The following TBC1D21 variants were observed in gnomAD, a reference collection of about 807,000 sequenced individuals.
The protein encoded by TBC1D21 is TBC1 domain family member 21, also known as male germ cell Rab GTPase-activating protein.
TBC1D21 carries 38 observed loss-of-function variants against 46.0 expected under a neutral mutation model. The observed-to-expected ratio is 0.83, with a 90% CI of 0.64 to 1.08. The LOEUF is 1.08. Ranked by LOEUF, TBC1D21 falls within the 50% of genes least tolerant of loss-of-function variation. The pLI is 0.00. For missense variants in TBC1D21, 415 were observed against 417.9 expected (o/e 0.99, Z 0.06); for synonymous variants, 151 against 157.2 (o/e 0.96, Z 0.29).
chr15:73,888,520 T>A lies in TBC1D21; in HGVS notation c.978+7T>A. 6.2e-7 allele frequency: 1 copy of A among 1,612,990 alleles called. No homozygotes were observed. The highest frequency in any genetic ancestry group is 8.5e-7 in the Non-Finnish European group (1 of 1,179,280). ...TGAGCTCATCCAGAAGGATGTAAGT[T>A]GCCCCAATGATGTGTCCTCCTCCTC... On this transcript the variant is annotated splice_region_variant and intron_variant, in intron 10 of 10. Coordinates refer to ENST00000300504, the MANE Select transcript of TBC1D21 (RefSeq NM_153356.3).
At chr15:73,891,045 A>T (rs2068332710), downstream of TBC1D21, among the ~76,000 whole-genome samples, 1 of 152,226 alleles carries the variant, frequency 6.6e-6, no homozygotes, top group Non-Finnish European at 1.5e-5. Flanking sequence ...GAGTGATGAA[A>T]GTAACAATCT....
Position 73,886,496 on chromosome 15 carries a change from C to T in TBC1D21, c.677-16C>T, listed in dbSNP as rs979376060. On this transcript the variant is annotated splice_polypyrimidine_tract_variant and intron_variant, in intron 7 of 10. Transcript: ENST00000300504. ...GTGTTTTCCCCTGACCACAGCCTCA[C>T]CTTCTCTCCCCACAGAAGGGAAGGG... is the stretch of plus-strand genomic sequence containing the variant. 3 of 1,611,990 alleles carry T rather than the reference C, an allele frequency of 1.9e-6. No homozygotes were observed. Among genetic ancestry groups the T allele is most frequent in the Non-Finnish European group, 2.5e-6 (3 of 1,178,364 alleles).
intron 1 of TBC1D21, among the ~76,000 whole-genome samples, chr15:73,880,966 T>C (rs1050754721): frequency 6.6e-6 from 1 of 152,162 alleles, no homozygotes; most frequent in Non-Finnish European, 1.5e-5. Context: ...ACACAATACA[T>C]AGGTATTACT....
In TBC1D21 at chr15:73,883,499, C is replaced by T. The variant is rs138466750; in HGVS notation, c.273-652C>T. On this transcript the variant is annotated intron_variant, in intron 3 of 10. Coordinates refer to ENST00000300504, the MANE Select transcript of TBC1D21 (RefSeq NM_153356.3). ...GCTGGTGGCTGCCTCACTCCATTCC[C>T]TGTCCCCATGGTGGTGAGACCTTCT... Among the ~76,000 whole-genome samples the T allele has an allele frequency of 5.5e-4, 84 of 152,372 alleles. 4 individuals carry two copies. The East Asian group carries it at 0.015, about 27-fold the overall frequency.
At chr15:73,899,859 G>T in the TBC1D21 span, among the ~76,000 whole-genome samples, 1 of 152,144 alleles carries the variant, frequency 6.6e-6, no homozygotes, top group Admixed American at 6.5e-5. Flanking sequence ...AGGCAGGAAC[G>T]CAGAGCACTT....
rs373940658 is a variant in TBC1D21 at position 73,877,802 on chromosome 15, C to CA, written c.61-3590dup. Among the ~76,000 whole-genome samples the CA allele has an allele frequency of 1.8e-3, 272 of 152,238 alleles. 1 individual carries two copies. Among genetic ancestry groups the CA allele is most frequent in the African/African-American group, 6.4e-3 (266 of 41,558 alleles). ...ATATAATTTACCATACTAACAAACT[C>CA]AAAAAAAGAAAACCATATGACCATT... is the stretch of plus-strand genomic sequence containing the variant. On this transcript the variant is annotated intron_variant, in intron 1 of 10. Coordinates refer to ENST00000300504, the MANE Select transcript of TBC1D21 (RefSeq NM_153356.3).
Position 73,884,251 on chromosome 15 carries a change from C to T in TBC1D21, c.367+6C>T, listed in dbSNP as rs373335591. On this transcript the variant is annotated splice_donor_region_variant and intron_variant, in intron 4 of 10. Transcript: ENST00000300504. ...AGAGACTCGCAATAACATTGGTGAG[C>T]AAAGTGGGGTGGAGAGGGCTGGGCA... 39 of 1,613,720 alleles carry T rather than the reference C, an allele frequency of 2.4e-5. No individual in the cohort carries two copies. The highest frequency in any genetic ancestry group is 3.3e-5 in the Non-Finnish European group (39 of 1,179,582).
rs2068289376 is a variant in TBC1D21, at chr15:73,888,429, G to A, written c.895-1G>A. Reference sequence around the variant, plus strand: ...ACAACTGCTCCCACACTCCCATGCAGGCCTGCAACAACCTCATCGACCTTG... The same window carrying A: ...ACAACTGCTCCCACACTCCCATGCAAGCCTGCAACAACCTCATCGACCTTG... On this transcript the variant is annotated splice_acceptor_variant, in intron 9 of 10. Transcript: ENST00000300504. LOFTEE classifies it high-confidence loss of function. 1 of 1,613,412 alleles carries A rather than the reference G, an allele frequency of 6.2e-7. No individual in the cohort carries two copies. Among genetic ancestry groups the A allele is most frequent in the Non-Finnish European group, 8.5e-7 (1 of 1,179,754 alleles).
Position 73,888,456 on chromosome 15 carries a change from T to G in TBC1D21, c.921T>G (p.Asp307Glu). The change falls in exon 10 of 11, where the codon GAT becomes GAG. Residue 307 changes from aspartate (D) to glutamate (E), a missense_variant. By Grantham distance (45) the Asp-to-Glu change is conservative (BLOSUM62 2). Coordinates refer to ENST00000300504, the MANE Select transcript of TBC1D21 (RefSeq NM_153356.3). ...LLACNNLIDL[D>E]ADELISAACV... ...CCTGCAACAACCTCATCGACCTTGA[T>G]GCTGATGAGCTGATCTCTGCCGCCT... is the stretch of plus-strand genomic sequence containing the variant. 6.2e-7 allele frequency: 1 copy of G among 1,614,024 alleles called. No individual in the cohort carries two copies. Among genetic ancestry groups the G allele is most frequent in the East Asian group, 2.2e-5 (1 of 44,888 alleles).
At position 73,876,222 on chromosome 15, in the gene TBC1D21, T is replaced by TTGTTTG. The variant is rs1567062352; in HGVS notation, c.60+2454_60+2455insGTTTGT. 1.4e-3 allele frequency among the ~76,000 whole-genome samples: 70 copies of TTGTTTG among 50,960 alleles called. 17 individuals are homozygous for TTGTTTG. The highest frequency in any genetic ancestry group is 0.012 in the East Asian group (12 of 968). The allele number at this position is 50,960 out of a possible 152,430, so 33.4% of individuals were successfully genotyped here. ...GGGTTTTTTTTTTTTTTTTTTTTTT[T>TTGTTTG]TTTTTTTTTTTTTTTTTTTTTTTGA... On this transcript the variant is annotated intron_variant, in intron 1 of 10. Coordinates refer to ENST00000300504, the MANE Select transcript of TBC1D21 (RefSeq NM_153356.3).
At chr15:73,875,228 G>A (rs376409711) in intron 1 of TBC1D21, among the ~76,000 whole-genome samples, 19 of 141,584 alleles carry the variant, frequency 1.3e-4, no homozygotes, top group African/African-American at 4.0e-4. Context: ...CAGCCTGGGC[G>A]ACAGAGTGAG....
In TBC1D21 at chr15:73,887,494, G is replaced by A. The variant is rs574073108; in HGVS notation, c.778-126G>A. 3.5e-4 allele frequency: 262 copies of A among 742,256 alleles called. 1 individual carries two copies. The South Asian group carries it at 3.7e-3, about 11-fold the overall frequency. The allele number at this position is 742,256 out of a possible 1,614,324, so 46.0% of individuals were successfully genotyped here. On this transcript the variant is annotated intron_variant, in intron 8 of 10. Transcript: ENST00000300504. ...TGAGTGAATGAAGGAATGATTGAAT[G>A]AGCAAGTCAGCAGCAAGGCCCAGGA...
the TBC1D21 span, among the ~76,000 whole-genome samples, chr15:73,904,660 A>C: frequency 1.3e-4 from 20 of 152,166 alleles, no homozygotes; most frequent in African/African-American, 4.8e-4. Context: ...GCCAAGATAG[A>C]TGTGGAGCCA....
intron 3 of TBC1D21, 24 bp downstream of exon 3, chr15:73,881,771 G>A: frequency 1.9e-6 from 3 of 1,600,098 alleles, no homozygotes; most frequent in Non-Finnish European, 1.7e-6. Context: ...GACCCTGCTG[G>A]GACAGGAGGG....
At chr15:73,897,483 G>A in the TBC1D21 span, among the ~76,000 whole-genome samples, 82 of 152,232 alleles carry the variant, frequency 5.4e-4, 4 homozygotes, top group Non-Finnish European at 1.5e-5. Context: ...ACCTCTGCAG[G>A]ATCTGTGGCT....
chr15:73,886,543 C>T lies in TBC1D21; in HGVS notation c.708C>T (p.Leu236=), dbSNP rs552177405. 1.5e-5 allele frequency: 25 copies of T among 1,613,762 alleles called. 1 individual carries two copies. In the South Asian group the frequency reaches 2.6e-4, roughly 17 times the overall value. ...KGKGAGAVQS[L]FPWFCFCFQR... ...AGGGTGCAGGGGCTGTGCAGTCCCT[C>T]TTCCCCTGGTTCTGCTTCTGCTTCC... Residue 236 remains leucine (L), a synonymous_variant, in exon 8 of 11, where the codon CTC becomes CTT. Transcript: ENST00000300504.
the TBC1D21 span, among the ~76,000 whole-genome samples, chr15:73,907,760 TG>T: frequency 6.6e-6 from 1 of 152,174 alleles, no homozygotes; most frequent in Non-Finnish European, 1.5e-5. Context: ...TTTTTTCAAG[TG>T]TAACACACTT....
At chr15:73,906,079 G>A in the TBC1D21 span, among the ~76,000 whole-genome samples, 1 of 152,232 alleles carries the variant, frequency 6.6e-6, no homozygotes, top group South Asian at 2.1e-4. Flanking sequence ...CTGGGCTTCA[G>A]TTTCATGTCC....
At chr15:73,906,800 T>A in the TBC1D21 span, among the ~76,000 whole-genome samples, 1 of 152,188 alleles carries the variant, frequency 6.6e-6, no homozygotes. Flanking sequence ...ATTTTTTGGA[T>A]CTGAGTTGTG....
Sources: gnomAD v4.1 joint callset for allele counts (sites outside exome capture counted in the v4.1 genomes callset) on GRCh38, gnomAD v4.1.1 for gene constraint, MANE v1.5 for transcripts, NCBI Gene and HGNC (gene_info 2026-07-23, HGNC 2026-07-21) for gene names.